Variants in DCC observed in about 807,000 individuals in gnomAD.
DCC encodes netrin receptor DCC.
A neutral mutation model predicts 172.5 loss-of-function variants in DCC; 58 were observed. The observed-to-expected ratio is 0.34, with a 90% CI of 0.27 to 0.42. The LOEUF (loss-of-function observed/expected upper bound fraction) is 0.42. Ranked by LOEUF, DCC falls within the 10% of genes least tolerant of loss-of-function variation. The pLI is 1.00. For missense variants in DCC, 1,740 were observed against 1,791.0 expected (o/e 0.97, Z 0.51); for synonymous variants, 709 against 644.5 (o/e 1.10, Z -1.52).
rs146601888 is a variant in DCC, at chr18:53,448,555, C to G, written c.3230-1945C>G. Among the ~76,000 whole-genome samples, 991 of 152,244 alleles carry G rather than the reference C, an allele frequency of 6.5e-3. 14 individuals carry two copies. Among genetic ancestry groups the G allele is most frequent in the African/African-American group, 0.023 (946 of 41,556 alleles). On this transcript the variant is annotated intron_variant, in intron 22 of 28. Coordinates refer to ENST00000442544, the MANE Select transcript of DCC (RefSeq NM_005215.4). ...AGATGAGATTTAGGTGGGGATGCAGCCAAATCACGTCAGTATTATTCCTAA... is the reference window on the plus strand; with the variant it reads ...AGATGAGATTTAGGTGGGGATGCAGGCAAATCACGTCAGTATTATTCCTAA...
intron 26 of DCC, among the ~76,000 whole-genome samples, chr18:53,496,336 C>CTCCAGCAGA (rs938920194): frequency 8.5e-5 from 13 of 152,280 alleles, no homozygotes; most frequent in African/African-American, 2.6e-4. Context: ...ATCCAACAAA[C>CTCCAGCAGA]TCCAGCAGAC....
At chr18:52,617,085 C>T (rs1300960077) in intron 1 of DCC, among the ~76,000 whole-genome samples, 2 of 152,002 alleles carry the variant, frequency 1.3e-5, no homozygotes, top group African/African-American at 4.8e-5. Context: ...AAGTATTATC[C>T]GACGAAGGTG....
intron 13 of DCC, among the ~76,000 whole-genome samples, chr18:53,315,927 CT>C (rs1350983065): frequency 6.6e-6 from 1 of 152,096 alleles, no homozygotes; most frequent in Non-Finnish European, 1.5e-5. Flanking sequence ...TACCTGTTCA[CT>C]CTGATAATAC....
intron 7 of DCC, among the ~76,000 whole-genome samples, chr18:53,109,189 G>A (rs867445140): frequency 6.6e-6 from 1 of 151,390 alleles, no homozygotes; most frequent in Non-Finnish European, 1.5e-5. Context: ...CCGTTTGGGT[G>A]TCTTTTGTGA....
chr18:52,993,925 T>C (rs2145627146), intron 5 of DCC, among the ~76,000 whole-genome samples: 1 of 152,262 alleles, frequency 6.6e-6, no homozygotes, highest in South Asian at 2.1e-4. Flanking sequence ...AGGGCAAGTT[T>C]TTAAGCACCA....
rs547774849 is a variant in DCC at position 52,700,103 on chromosome 18, G to GA, written c.92-51947dup. On this transcript the variant is annotated intron_variant, in intron 1 of 28. Coordinates refer to ENST00000442544, the MANE Select transcript of DCC (RefSeq NM_005215.4). ...TGAATGTTTATAAGTTACCATTTTG[G>GA]AAAATCTCTGCTCTCTCGTTTGCGC... Among the ~76,000 whole-genome samples the GA allele has an allele frequency of 6.5e-4, 93 of 143,734 alleles. 2 individuals are homozygous for GA. In the East Asian group the frequency reaches 0.016, roughly 25 times the overall value. 94.3% of individuals were successfully genotyped at this position (143,734 alleles called of 152,430 possible). A position where few individuals can be genotyped will look rare whatever the true frequency, so the allele number is the denominator to read the frequency against.
At chr18:52,374,972 C>T (rs2144308582) in intron 1 of DCC, among the ~76,000 whole-genome samples, 1 of 152,296 alleles carries the variant, frequency 6.6e-6, no homozygotes, top group South Asian at 2.1e-4. Flanking sequence ...ATGTCACTGA[C>T]CCAGAACATT....
chr18:52,570,070 C>A (rs2848804), intron 1 of DCC, among the ~76,000 whole-genome samples: 9 of 152,042 alleles, frequency 5.9e-5, no homozygotes, highest in African/African-American at 2.2e-4. Context: ...ATCTAGCTCC[C>A]TCAGTTATAT....
chr18:52,387,748 T>C (rs912556499), intron 1 of DCC, among the ~76,000 whole-genome samples: 3 of 152,074 alleles, frequency 2.0e-5, no homozygotes, highest in Non-Finnish European at 2.9e-5. Context: ...TTGAGGCCTA[T>C]TGCAATGCTC....
At chr18:53,311,117 AT>A (rs2057262037) in intron 13 of DCC, among the ~76,000 whole-genome samples, 1 of 110,260 alleles carries the variant, frequency 9.1e-6, no homozygotes, top group African/African-American at 3.6e-5. Context: ...TTATTTATTT[AT>A]TTTATTTATT....
chr18:53,446,807 G>A (rs1391958248), intron 22 of DCC, among the ~76,000 whole-genome samples: 1 of 152,082 alleles, frequency 6.6e-6, no homozygotes, highest in African/African-American at 2.4e-5. Flanking sequence ...ATAAGAAAGT[G>A]CCCCTTTTTT....
chr18:52,482,516 T>G (rs866406228), intron 1 of DCC, among the ~76,000 whole-genome samples: 67 of 152,298 alleles, frequency 4.4e-4, no homozygotes, highest in African/African-American at 1.6e-3. Context: ...CAGTGTCTGA[T>G]GAGAGCTGTT....
At chr18:53,492,733 G>A (rs569570016) in intron 26 of DCC, among the ~76,000 whole-genome samples, 36 of 152,286 alleles carry the variant, frequency 2.4e-4, no homozygotes, top group African/African-American at 8.4e-4. Context: ...TTGAAGTCAG[G>A]TAGCATGATG....
At chr18:53,435,641 C>A (rs1259019973) in intron 22 of DCC, among the ~76,000 whole-genome samples, 1 of 152,070 alleles carries the variant, frequency 6.6e-6, no homozygotes, top group Admixed American at 6.6e-5. Context: ...TGGATTTTTG[C>A]CTGCAGGGTA....
intron 1 of DCC, among the ~76,000 whole-genome samples, chr18:52,716,736 T>C: frequency 6.6e-6 from 1 of 152,222 alleles, no homozygotes; most frequent in East Asian, 1.9e-4. Flanking sequence ...TCATAAAGAC[T>C]ATGTCCTAGC....
intron 1 of DCC, among the ~76,000 whole-genome samples, chr18:52,341,310 A>G (rs1334287321): frequency 1.3e-5 from 2 of 152,022 alleles, no homozygotes; most frequent in East Asian, 3.9e-4. Context: ...CGCAGAATGT[A>G]GATGGTGGGG....
chr18:52,997,603 G>T (rs1335498988), intron 5 of DCC, among the ~76,000 whole-genome samples: 1 of 152,024 alleles, frequency 6.6e-6, no homozygotes, highest in Non-Finnish European at 1.5e-5. Context: ...TTGTGGATTT[G>T]AATCTAAGAT....
intron 12 of DCC, among the ~76,000 whole-genome samples, chr18:53,219,630 A>T (rs1240525519): frequency 6.6e-6 from 1 of 152,124 alleles, no homozygotes; most frequent in African/African-American, 2.4e-5. Context: ...TTGCATTCCT[A>T]AAAGCTGGTA....
intron 1 of DCC, among the ~76,000 whole-genome samples, chr18:52,705,203 ATTG>A (rs2036185924): frequency 6.6e-6 from 1 of 152,280 alleles, no homozygotes; most frequent in East Asian, 1.9e-4. Context: ...GTGGCGAACA[ATTG>A]TTGTCGATTG....
Sources: gnomAD v4.1 joint callset for allele counts (sites outside exome capture counted in the v4.1 genomes callset) on GRCh38, gnomAD v4.1.1 for gene constraint, MANE v1.5 for transcripts, NCBI Gene and HGNC (gene_info 2026-07-23, HGNC 2026-07-21) for gene names.